Variants in USP45 observed in about 807,000 individuals in gnomAD.
USP45 encodes ubiquitin specific peptidase 45, also known as ubiquitin carboxyl-terminal hydrolase 45.
USP45 carries 89 observed loss-of-function variants against 95.8 expected under a neutral mutation model. The ratio of observed to expected loss-of-function variants is 0.93; its 90% confidence interval spans 0.78 to 1.11. USP45 has a LOEUF of 1.11. Ranked by LOEUF, USP45 falls within the 50% of genes least tolerant of loss-of-function variation. The pLI is 0.00. For synonymous variants in USP45, 281 were observed against 316.2 expected (o/e 0.89, Z 1.18); for missense variants, 898 against 942.5 (o/e 0.95, Z 0.62).
At chr6:99,449,253 G>C (rs1783281018) in intron 13 of USP45, among the ~76,000 whole-genome samples, 2 of 152,138 alleles carry the variant, frequency 1.3e-5, no homozygotes, top group South Asian at 4.1e-4. Context: ...AGACCCATCA[G>C]TGTGCTGTAT....
intron 15 of USP45, among the ~76,000 whole-genome samples, chr6:99,443,169 A>C (rs1781841552): frequency 6.6e-6 from 1 of 151,920 alleles, no homozygotes. Flanking sequence ...GTGAGCTGAG[A>C]TTGTGCCACT....
intron 6 of USP45, 48 bp from the exon 7 acceptor site, chr6:99,488,343 T>C: frequency 8.2e-7 from 1 of 1,226,624 alleles, no homozygotes; most frequent in Non-Finnish European, 1.2e-6. Context: ...AAAATATGCC[T>C]CTGATTTTAT....
At position 99,507,551 on chromosome 6, in the gene USP45, T is replaced by G. The variant is rs761496657; in HGVS notation, c.274-20A>C. 5 of 1,459,160 alleles carry G rather than the reference T, an allele frequency of 3.4e-6. No homozygotes were observed. In the South Asian group the frequency reaches 5.8e-5, roughly 17 times the overall value. 90.4% of individuals were successfully genotyped at this position (1,459,160 alleles called of 1,614,324 possible). On this transcript the variant is annotated intron_variant, in intron 3 of 17. Coordinates refer to ENST00000500704, the MANE Select transcript of USP45 (RefSeq NM_001346022.3). ...ACATCCCTGAAGATGAACAGAATTT[T>G]ATTTTGTATGACTTACAAATGTTTG...
rs772159434 is a variant in USP45, at chr6:99,503,768, T to C, written c.475A>G (p.Thr159Ala). The change falls in exon 5 of 18, where the codon ACA becomes GCA. Residue 159 changes from threonine to alanine, a missense_variant. Thr to Ala is a moderately conservative substitution (Grantham distance 58). Transcript: ENST00000500704. ...FLQKHASKTQ[T>A]SAFSRIMKLC... ...CTTTAGTCATCGCTTAACTTACTTG[T>C]TTGTGTTTTAGAAGCATGTTTCTGG... 2 of 1,584,500 alleles carry C rather than the reference T, an allele frequency of 1.3e-6. No homozygotes were observed. The highest frequency in any genetic ancestry group is 1.7e-6 in the Non-Finnish European group (2 of 1,162,908).
intron 4 of USP45, among the ~76,000 whole-genome samples, chr6:99,504,266 A>T (rs1037185062): frequency 6.6e-6 from 1 of 152,130 alleles, no homozygotes; most frequent in Non-Finnish European, 1.5e-5. Flanking sequence ...TCAGCCACCC[A>T]GTAGCTGGGA....
chr6:99,451,891 C>A (rs1783940459), intron 13 of USP45, among the ~76,000 whole-genome samples: 1 of 152,202 alleles, frequency 6.6e-6, no homozygotes, highest in Non-Finnish European at 1.5e-5. Context: ...CTACAACCAT[C>A]TGATCTTTGA....
At position 99,439,802 on chromosome 6, in the gene USP45, G is replaced by A. The variant is rs758982613; in HGVS notation, c.2127C>T (p.Leu709=). ...TAGCAGAGCAGAATGGTGCTAAATC[G>A]AGCATAAGTGGAAAATCTACATGTC... ...VNRHVDFPLM[L]DLAPFCSATC... The change falls in exon 16 of 18, where the codon CTC becomes CTT. Residue 709 remains leucine, a synonymous_variant. Transcript: ENST00000500704. 6.2e-6 allele frequency: 10 copies of A among 1,607,334 alleles called. No individual in the cohort carries two copies. Among genetic ancestry groups the A allele is most frequent in the Non-Finnish European group, 8.5e-6 (10 of 1,176,420 alleles).
intron 14 of USP45, 115 bp from the exon 15 acceptor site, chr6:99,443,777 G>T: frequency 1.5e-6 from 1 of 675,056 alleles, no homozygotes; most frequent in Non-Finnish European, 2.3e-6. Flanking sequence ...TAAAGAAATT[G>T]GACTTCTGAT....
intron 4 of USP45, among the ~76,000 whole-genome samples, chr6:99,506,677 T>C (rs915656272): frequency 6.6e-6 from 1 of 152,148 alleles, no homozygotes; most frequent in African/African-American, 2.4e-5. Context: ...ATAGTTTCCT[T>C]ACAGGTAACA....
At chr6:99,486,444 G>A (rs1039600676) in intron 7 of USP45, among the ~76,000 whole-genome samples, 2 of 151,894 alleles carry the variant, frequency 1.3e-5, no homozygotes, top group African/African-American at 4.8e-5. Context: ...TAAATGACTA[G>A]GCAATAACTT....
intron 8 of USP45, among the ~76,000 whole-genome samples, chr6:99,479,750 T>A (rs527261508): frequency 1.3e-5 from 2 of 152,306 alleles, no homozygotes; most frequent in East Asian, 3.9e-4. Flanking sequence ...AACTCTATAG[T>A]TATTATCACA....
In USP45 at chr6:99,433,564, T is replaced by C. The variant is rs1333478190; in HGVS notation, c.*2152A>G. On this transcript the variant is annotated 3_prime_UTR_variant, in exon 18 of 18. Transcript: ENST00000500704. ...AATTCTTAAGTATCAAAAATCCAAT[T>C]TATTCCATTTTCAGAAGACAAGGAA... is the stretch of plus-strand genomic sequence containing the variant. 6.6e-6 allele frequency: 1 copy of C among 152,334 alleles called. No individual in the cohort carries two copies. Among genetic ancestry groups the C allele is most frequent in the Non-Finnish European group, 1.5e-5 (1 of 68,026 alleles). 9.4% of individuals were successfully genotyped at this position (152,334 alleles called of 1,614,324 possible).
chr6:99,437,743 C>T (rs969342777), intron 16 of USP45, among the ~76,000 whole-genome samples: 11 of 151,314 alleles, frequency 7.3e-5, no homozygotes, highest in East Asian at 2.0e-4. Flanking sequence ...CTGCAACCTC[C>T]GCCACCCAGG....
chr6:99,446,605 A>C (rs528584341), intron 13 of USP45, 142 bp from the exon 14 acceptor site: 55 of 797,982 alleles, frequency 6.9e-5, no homozygotes, highest in Non-Finnish European at 1.0e-4. Context: ...TAAGATCACT[A>C]GAAGATATAC....
At chr6:99,451,152 C>A (rs1398564557) in intron 13 of USP45, among the ~76,000 whole-genome samples, 2 of 152,180 alleles carry the variant, frequency 1.3e-5, no homozygotes, top group Non-Finnish European at 2.9e-5. Context: ...TCTCACCACT[C>A]CTATTTAACA....
chr6:99,452,471 A>G (rs976572138), intron 13 of USP45, among the ~76,000 whole-genome samples: 1 of 152,234 alleles, frequency 6.6e-6, no homozygotes, highest in African/African-American at 2.4e-5. Context: ...TCAAAACCAC[A>G]GTGAGATACC....
At chr6:99,464,470 A>G (rs1255908901) in intron 13 of USP45, 134 bp downstream of exon 13, 2 of 865,958 alleles carry the variant, frequency 2.3e-6, no homozygotes, top group Admixed American at 2.6e-5. Flanking sequence ...CAAGTAGCCA[A>G]GTTGATAATT....
chr6:99,442,944 G>A (rs1781802928), intron 15 of USP45, among the ~76,000 whole-genome samples: 1 of 152,050 alleles, frequency 6.6e-6, no homozygotes, highest in African/African-American at 2.4e-5. Flanking sequence ...TGGGCTGGGT[G>A]TGGTGGCTCA....
chr6:99,488,957 T>C, intron 5 of USP45, 137 bp from the exon 6 acceptor site: 1 of 635,980 alleles, frequency 1.6e-6, no homozygotes. Flanking sequence ...GGGAAGAATA[T>C]AAACACAACT....
Sources: gnomAD v4.1 joint callset for allele counts (sites outside exome capture counted in the v4.1 genomes callset) on GRCh38, gnomAD v4.1.1 for gene constraint, MANE v1.5 for transcripts, NCBI Gene and HGNC (gene_info 2026-07-23, HGNC 2026-07-21) for gene names.